The following GPC3 variants were observed in gnomAD, a reference collection of about 807,000 sequenced individuals.
The protein encoded by GPC3 is glypican-3.
In GPC3, 3 loss-of-function variants were observed where a neutral mutation model predicts 34.4. That is an observed-to-expected ratio of 0.09 (90% CI 0.04 to 0.23). The LOEUF is 0.23. Ranked by LOEUF, GPC3 falls within the 10% of genes least tolerant of loss-of-function variation. The probability of loss-of-function intolerance (pLI) is 1.00; values close to 1 mark genes in which losing one functional copy is unlikely to be tolerated. For missense variants in GPC3, 351 were observed against 445.6 expected, an observed-to-expected ratio of 0.79 and a Z score of 1.91; for synonymous variants, 177 against 174.0, an observed-to-expected ratio of 1.02 and a Z score of -0.13.
chrX:133,775,704 A>C (rs1302373377), intron 2 of GPC3, among the ~76,000 whole-genome samples: 2 of 111,831 alleles, frequency 1.8e-5, no homozygotes, highest in Non-Finnish European at 3.8e-5. Flanking sequence ...AATTCACTAC[A>C]CGAGGGGCTT....
intron 5 of GPC3, among the ~76,000 whole-genome samples, chrX:133,662,509 G>A (rs2070736464): frequency 8.9e-6 from 1 of 111,931 alleles, no homozygotes; most frequent in Admixed American, 9.5e-5. Flanking sequence ...AAGTTTCAAG[G>A]TAGCAATGGA....
chrX:133,758,660 A>G (rs1441203137), intron 2 of GPC3, among the ~76,000 whole-genome samples: 1 of 111,043 alleles, frequency 9.0e-6, no homozygotes, highest in African/African-American at 3.3e-5. Context: ...GTTTACCTAT[A>G]TAACAAACCT....
At chrX:133,897,071 T>A (rs927475807) in intron 2 of GPC3, among the ~76,000 whole-genome samples, 1 of 109,372 alleles carries the variant, frequency 9.1e-6, no homozygotes, top group Admixed American at 9.8e-5. Flanking sequence ...CACGCCCAGC[T>A]AATTTTTTGT....
intron 6 of GPC3, among the ~76,000 whole-genome samples, chrX:133,615,636 G>A (rs981997848): frequency 1.8e-5 from 2 of 109,184 alleles, no homozygotes; most frequent in Non-Finnish European, 3.8e-5. Flanking sequence ...GATAGCATTA[G>A]GAGAAATACC....
intron 1 of GPC3, among the ~76,000 whole-genome samples, chrX:133,984,002 G>A (rs1157005241): frequency 3.5e-5 from 4 of 113,239 alleles, no homozygotes; most frequent in African/African-American, 9.6e-5. Context: ...AGAAAAGGCT[G>A]AGGGCGCGCT....
At chrX:133,557,893 A>G (rs1354475384) in intron 7 of GPC3, among the ~76,000 whole-genome samples, 1 of 112,027 alleles carries the variant, frequency 8.9e-6, no homozygotes, top group African/African-American at 3.2e-5. Flanking sequence ...GTAATTAGGT[A>G]TGCAATGTCA....
intron 7 of GPC3, among the ~76,000 whole-genome samples, chrX:133,574,453 T>C (rs1373373508): frequency 8.9e-6 from 1 of 111,847 alleles, no homozygotes; most frequent in Non-Finnish European, 1.9e-5. Context: ...AAAGGGGAGA[T>C]TATAAATTCT....
chrX:133,860,347 A>G (rs973159492), intron 2 of GPC3, among the ~76,000 whole-genome samples: 1 of 111,245 alleles, frequency 9.0e-6, no homozygotes, highest in Non-Finnish European at 1.9e-5. Context: ...GGCTAAGGTA[A>G]GAATACAAAG....
In GPC3 at chrX:133,966,390, A is replaced by G. The variant is rs144386836; in HGVS notation, c.176-13179T>C. 6.0e-3 allele frequency among the ~76,000 whole-genome samples: 680 copies of G among 112,616 alleles called. 5 individuals are homozygous for G. Among genetic ancestry groups the G allele is most frequent in the African/African-American group, 0.021 (641 of 31,026 alleles). Reference sequence around the variant, plus strand: ...TTCACATTCCCCCATCCTGGTCTTCAGCATTCCTGGAGATGTTGTTTAACA... The same window carrying G: ...TTCACATTCCCCCATCCTGGTCTTCGGCATTCCTGGAGATGTTGTTTAACA... On this transcript the variant is annotated intron_variant, in intron 1 of 7. Transcript: ENST00000370818.
In GPC3 at chrX:133,596,569, T is replaced by C; in HGVS notation, c.1444A>G (p.Arg482Gly). The change falls in exon 7 of 8, where the codon AGA becomes GGA. Residue 482 changes from arginine to glycine, a missense_variant. Arg to Gly is a moderately radical substitution (Grantham distance 125, BLOSUM62 -2). Transcript: ENST00000370818. ...TCATCCAGGTTTTTATCCAGAACTCTACCTTTGGGCATAGACATGGTTCTC... is the reference window on the plus strand; with the variant it reads ...TCATCCAGGTTTTTATCCAGAACTCCACCTTTGGGCATAGACATGGTTCTC... ...LLRTMSMPKG[R>G]VLDKNLDEEG... The C allele has an allele frequency of 8.3e-7, 1 of 1,210,813 alleles. No homozygotes were observed. The highest frequency in any genetic ancestry group is 1.1e-6 in the Non-Finnish European group (1 of 894,778).
intron 6 of GPC3, among the ~76,000 whole-genome samples, chrX:133,640,244 C>A (rs2070467815): frequency 8.9e-6 from 1 of 111,789 alleles, no homozygotes; most frequent in Admixed American, 9.5e-5. Context: ...TTCCAACATG[C>A]AAGTTATTAT....
At chrX:133,938,157 T>C (rs755787134) in intron 2 of GPC3, among the ~76,000 whole-genome samples, 7 of 112,106 alleles carry the variant, frequency 6.2e-5, no homozygotes, top group Non-Finnish European at 1.1e-4. Context: ...CAAGCTAACA[T>C]TCATTGAGCA....
intron 2 of GPC3, among the ~76,000 whole-genome samples, chrX:133,951,192 C>T (rs955489830): frequency 1.7e-4 from 19 of 109,323 alleles, no homozygotes; most frequent in Non-Finnish European, 1.9e-4. Context: ...TATTCAGCCT[C>T]CAAGCTATAG....
intron 7 of GPC3, among the ~76,000 whole-genome samples, chrX:133,552,508 T>A (rs2069444460): frequency 9.0e-6 from 1 of 111,466 alleles, no homozygotes; most frequent in South Asian, 3.8e-4. Flanking sequence ...AAAAACCACA[T>A]AATCTATCCA....
intron 1 of GPC3, among the ~76,000 whole-genome samples, chrX:133,972,871 C>T (rs1353859227): frequency 2.7e-5 from 3 of 111,247 alleles, no homozygotes; most frequent in Non-Finnish European, 5.6e-5. Flanking sequence ...TAATTTTTGG[C>T]TCTGTTGAAA....
chrX:133,822,272 T>A (rs2075723261), intron 2 of GPC3, among the ~76,000 whole-genome samples: 1 of 111,957 alleles, frequency 8.9e-6, no homozygotes, highest in African/African-American at 3.2e-5. Flanking sequence ...ACTGTCACAG[T>A]ATCACAGTGC....
intron 1 of GPC3, among the ~76,000 whole-genome samples, chrX:133,962,282 CAA>C (rs1199985002): frequency 2.7e-5 from 3 of 112,035 alleles, no homozygotes; most frequent in African/African-American, 6.5e-5. Flanking sequence ...CATATTGCAA[CAA>C]AGTTATATAT....
At chrX:133,592,797 A>T (rs772911745) in intron 7 of GPC3, among the ~76,000 whole-genome samples, 2 of 111,770 alleles carry the variant, frequency 1.8e-5, no homozygotes, top group African/African-American at 6.5e-5. Flanking sequence ...TCGATTTAAT[A>T]GTCCTATAAA....
chrX:133,747,496 A>G (rs766968871), intron 3 of GPC3, among the ~76,000 whole-genome samples: 1 of 112,358 alleles, frequency 8.9e-6, no homozygotes, highest in Admixed American at 9.5e-5. Context: ...GAAAAACAGT[A>G]GGGAGTAATA....
Sources: gnomAD v4.1 joint callset for allele counts (sites outside exome capture counted in the v4.1 genomes callset) on GRCh38, gnomAD v4.1.1 for gene constraint, MANE v1.5 for transcripts, NCBI Gene and HGNC (gene_info 2026-07-23, HGNC 2026-07-21) for gene names.